The following NLRP12 variants were observed in gnomAD, a reference collection of about 807,000 sequenced individuals.
NLRP12 encodes the protein NLR family pyrin domain containing 12.
A neutral mutation model predicts 91.2 loss-of-function variants in NLRP12; 108 were observed. That is an observed-to-expected ratio of 1.18 (90% CI 1.01 to 1.39). The LOEUF (loss-of-function observed/expected upper bound fraction) is 1.39, where lower values mean the gene tolerates loss of function less well. Among genes scored for constraint, NLRP12 ranks in the 40% most tolerant of loss-of-function variants. The pLI, the probability that NLRP12 is intolerant of heterozygous loss-of-function variation, is 0.00. For synonymous variants in NLRP12, 613 were observed against 566.7 expected (o/e 1.08, Z -1.16); for missense variants, 1,530 against 1,352.7 (o/e 1.13, Z -2.06).
At chr19:53,805,530 T>TC in intron 4 of NLRP12, 80 bp from the exon 5 acceptor site, 1 of 1,535,152 alleles carries the variant, frequency 6.5e-7, no homozygotes, top group Non-Finnish European at 8.8e-7. Context: ...GCTTTTTTTT[T>TC]TTTTTCTGAG....
intron 7 of NLRP12, 33 bp downstream of exon 7, chr19:53,801,194 G>A: frequency 6.2e-7 from 1 of 1,607,616 alleles, no homozygotes; most frequent in Non-Finnish European, 8.5e-7. Context: ...CATGGATTGG[G>A]ACTCCTAGCG....
At chr19:53,799,684 T>C (rs1206811370) in intron 7 of NLRP12, among the ~76,000 whole-genome samples, 1 of 151,832 alleles carries the variant, frequency 6.6e-6, no homozygotes, top group East Asian at 2.0e-4. Context: ...GGTTTCACCA[T>C]GTTGGCCAGG....
Position 53,814,944 on chromosome 19 carries a change from A to G in NLRP12, c.334T>C (p.Cys112Arg). The change falls in exon 2 of 10, where the codon TGC becomes CGC. Residue 112 changes from cysteine to arginine, a missense_variant. Transcript: ENST00000324134. ...GPSSLGNQST[C>R]LLEVSLVTPR... ...GTGACAAGAGAGACTTCCAGAAGGC[A>G]TGTTGACTGGTTCCCAAGTGAGGAC... 1 of 1,614,130 alleles carries G rather than the reference A, an allele frequency of 6.2e-7. No homozygotes were observed. Among genetic ancestry groups the G allele is most frequent in the South Asian group, 1.1e-5 (1 of 91,088 alleles).
chr19:53,795,723 A>G, intron 9 of NLRP12, 136 bp downstream of exon 9: 1 of 795,764 alleles, frequency 1.3e-6, no homozygotes, highest in South Asian at 1.5e-5. Flanking sequence ...TGACATAGCT[A>G]ATATGTGGCC....
intron 2 of NLRP12, 58 bp downstream of exon 2, chr19:53,814,850 C>T (rs928260382): frequency 1.3e-5 from 19 of 1,434,770 alleles, no homozygotes; most frequent in African/African-American, 8.4e-5. Context: ...GCCTACACTC[C>T]GTGGGGTCAG....
chr19:53,805,255 G>A, intron 5 of NLRP12, 25 bp downstream of exon 5: 1 of 1,609,130 alleles, frequency 6.2e-7, no homozygotes, highest in Non-Finnish European at 8.5e-7. Flanking sequence ...AGCTTAAGAA[G>A]TTGCTCCCGG....
intron 7 of NLRP12, among the ~76,000 whole-genome samples, chr19:53,799,311 C>T (rs938317448): frequency 2.0e-5 from 3 of 151,706 alleles, no homozygotes. Flanking sequence ...CGCCCAGCCG[C>T]GTGTGTGATT....
intron 1 of NLRP12, among the ~76,000 whole-genome samples, chr19:53,823,437 A>C (rs1210102522): frequency 8.5e-6 from 1 of 118,052 alleles, no homozygotes; most frequent in Non-Finnish European, 1.8e-5. Context: ...TATATTTAAA[A>C]TATATGTTTT....
intron 1 of NLRP12, among the ~76,000 whole-genome samples, chr19:53,817,411 G>A (rs936496770): frequency 1.1e-4 from 17 of 149,348 alleles, no homozygotes; most frequent in African/African-American, 2.5e-4. Context: ...GCCTGGTGAC[G>A]GAGCGAGACT....
intron 2 of NLRP12, among the ~76,000 whole-genome samples, chr19:53,814,599 C>T (rs2092128525): frequency 6.6e-6 from 1 of 152,018 alleles, no homozygotes; most frequent in Non-Finnish European, 1.5e-5. Flanking sequence ...GATCTGCCCG[C>T]TTTGGCCTCC....
At position 53,810,564 on chromosome 19, in the gene NLRP12, G is replaced by A; in HGVS notation, c.1095C>T (p.Phe365=). The A allele has an allele frequency of 6.2e-7, 1 of 1,614,128 alleles. No individual in the cohort carries two copies. Among genetic ancestry groups the A allele is most frequent in the Non-Finnish European group, 8.5e-7 (1 of 1,180,038 alleles). Residue 365 remains phenylalanine (F), a synonymous_variant, in exon 3 of 10, where the codon TTC becomes TTT. Coordinates refer to ENST00000324134, the MANE Select transcript of NLRP12 (RefSeq NM_144687.4). ...AGTATTCCTTCCTTTCTGCCTCAGA[G>A]AAGCCCAGGATCTCCACATGCCTGG... ...EHPRHVEILG[F]SEAERKEYFY... is the part of the protein sequence containing the mutation.
At position 53,819,445 on chromosome 19, in the gene NLRP12, A is replaced by G. The variant is rs1253996356; in HGVS notation, c.289+4441T>C. On this transcript the variant is annotated intron_variant, in intron 1 of 9. Transcript: ENST00000324134. Reference sequence around the variant, plus strand: ...TATATATATATATATATATATATATATATATATATATATGTGTGTGTGTGT... The same window carrying G: ...TATATATATATATATATATATATATGTATATATATATATGTGTGTGTGTGT... 1.4e-3 allele frequency among the ~76,000 whole-genome samples: 28 copies of G among 19,566 alleles called. 4 individuals carry two copies. The highest frequency in any genetic ancestry group is 2.3e-3 in the Non-Finnish European group (20 of 8,818). The allele number at this position is 19,566 out of a possible 152,430, so 12.8% of individuals were successfully genotyped here.
At chr19:53,819,829 A>G (rs1424489785) in intron 1 of NLRP12, among the ~76,000 whole-genome samples, 2 of 150,778 alleles carry the variant, frequency 1.3e-5, no homozygotes, top group Non-Finnish European at 3.0e-5. Context: ...AGAAAAGGGA[A>G]AGAGAAAAAG....
At chr19:53,809,265 G>A (rs1408457681) in intron 3 of NLRP12, among the ~76,000 whole-genome samples, 1 of 149,650 alleles carries the variant, frequency 6.7e-6, no homozygotes, top group Admixed American at 6.7e-5. Context: ...GGGTGCAGTG[G>A]CTCATGCCTG....
intron 4 of NLRP12, among the ~76,000 whole-genome samples, chr19:53,806,891 A>C (rs1248249441): frequency 6.6e-6 from 1 of 151,148 alleles, no homozygotes; most frequent in Non-Finnish European, 1.5e-5. Context: ...AAAAAAAAGA[A>C]AAAAATTTGG....
At chr19:53,797,321 G>C (rs941672272) in intron 8 of NLRP12, among the ~76,000 whole-genome samples, 3 of 151,956 alleles carry the variant, frequency 2.0e-5, no homozygotes, top group African/African-American at 7.2e-5. Flanking sequence ...TAATAGAGAT[G>C]GCCATGTTGG....
chr19:53,803,776 G>A (rs1297553159), intron 6 of NLRP12, 176 bp downstream of exon 6: 2 of 651,726 alleles, frequency 3.1e-6, no homozygotes, highest in African/African-American at 1.8e-5. Flanking sequence ...GTTTCACCGT[G>A]TTGGCCAGGC....
intron 7 of NLRP12, among the ~76,000 whole-genome samples, chr19:53,799,370 G>C (rs1015039071): frequency 3.9e-5 from 6 of 152,048 alleles, no homozygotes; most frequent in African/African-American, 1.4e-4. Flanking sequence ...AATACACAAA[G>C]TGTGTTTTTT....
intron 7 of NLRP12, 141 bp from the exon 8 acceptor site, chr19:53,798,554 A>G (rs1218452852): frequency 1.2e-6 from 1 of 818,796 alleles, no homozygotes; most frequent in African/African-American, 1.7e-5. Flanking sequence ...AAAGAAAAAG[A>G]CGACAGAAGT....
Sources: gnomAD v4.1 joint callset for allele counts (sites outside exome capture counted in the v4.1 genomes callset) on GRCh38, gnomAD v4.1.1 for gene constraint, MANE v1.5 for transcripts, NCBI Gene and HGNC (gene_info 2026-07-23, HGNC 2026-07-21) for gene names.